The following ABCA13 variants were observed in gnomAD, a reference collection of about 807,000 sequenced individuals.
The protein encoded by ABCA13 is ATP binding cassette subfamily A member 13.
In ABCA13, 476 loss-of-function variants were observed where a neutral mutation model predicts 478.7. The ratio of observed to expected loss-of-function variants is 0.99; its 90% CI spans 0.92 to 1.07. The LOEUF is 1.07. Ranked by LOEUF, ABCA13 falls within the 50% of genes least tolerant of loss-of-function variation. ABCA13 has a pLI of 0.00. For synonymous variants in ABCA13, 2,252 were observed against 2,158.9 expected (o/e 1.04, Z -1.20); for missense variants, 6,060 against 5,910.6 (o/e 1.03, Z -0.83).
At chr7:48,516,994 G>C (rs1037047948) in intron 52 of ABCA13, 113 bp downstream of exon 52, 15 of 1,171,712 alleles carry the variant, frequency 1.3e-5, no homozygotes, top group Admixed American at 2.4e-5. Flanking sequence ...AAATGCATTG[G>C]TATCCACTGT....
At position 48,279,414 on chromosome 7, in the gene ABCA13, T is replaced by G. The variant is rs770803393; in HGVS notation, c.8220T>G (p.Cys2740Trp). Reference protein sequence around the residue: ...EIGSFLKMVICLTLEALWKNL... With the variant: ...EIGSFLKMVIWLTLEALWKNL... Reference sequence around the variant, plus strand: ...GATCTTTCTTGAAAATGGTGATCTGTCTCACCTTAGAAGCTCTTTGGAAAA... The same window carrying G: ...GATCTTTCTTGAAAATGGTGATCTGGCTCACCTTAGAAGCTCTTTGGAAAA... Residue 2740 changes from cysteine to tryptophan, a missense_variant, in exon 18 of 62, where the codon TGT becomes TGG. By Grantham distance (215) the Cys-to-Trp change is radical. Around this residue, in one of 3 missense-constraint regions of ABCA13, gnomAD observed 4,423 missense variants for 4,309.1 expected, o/e 1.03. Transcript: ENST00000435803. 4 of 1,602,728 alleles carry G rather than the reference T, an allele frequency of 2.5e-6. No individual in the cohort carries two copies. The highest frequency in any genetic ancestry group is 3.4e-6 in the Non-Finnish European group (4 of 1,173,500).
intron 23 of ABCA13, among the ~76,000 whole-genome samples, chr7:48,305,834 C>A (rs1800824222): frequency 6.6e-6 from 1 of 152,204 alleles, no homozygotes; most frequent in African/African-American, 2.4e-5. Flanking sequence ...AGAGGCATCG[C>A]CCTGGATCCT....
At chr7:48,499,810 G>C (rs1830585634) in intron 48 of ABCA13, among the ~76,000 whole-genome samples, 1 of 152,130 alleles carries the variant, frequency 6.6e-6, no homozygotes, top group African/African-American at 2.4e-5. Flanking sequence ...CTTTTACTTA[G>C]GAGCCTTGGA....
intron 3 of ABCA13, among the ~76,000 whole-genome samples, chr7:48,209,510 T>C (rs1265447389): frequency 6.6e-6 from 1 of 152,144 alleles, no homozygotes; most frequent in Non-Finnish European, 1.5e-5. Flanking sequence ...TTTTCTTTGA[T>C]GGGGGAATGT....
chr7:48,279,289 A>G lies in ABCA13; in HGVS notation c.8095A>G (p.Ile2699Val), dbSNP rs770463049. 1 of 1,588,688 alleles carries G rather than the reference A, an allele frequency of 6.3e-7. No individual in the cohort carries two copies. The highest frequency in any genetic ancestry group is 1.8e-5 in the Admixed American group (1 of 56,224). Residue 2699 changes from isoleucine (I) to valine (V), a missense_variant, in exon 18 of 62, where the codon ATT becomes GTT. Ile to Val is a conservative substitution (Grantham distance 29, BLOSUM62 3). Transcript: ENST00000435803. Reference sequence around the variant, plus strand: ...AATGGACTTCTTATACCCTAATCCAATTTCCACTCATAGTGGCCCTCAAGA... The same window carrying G: ...AATGGACTTCTTATACCCTAATCCAGTTTCCACTCATAGTGGCCCTCAAGA... ...NQMDFLYPNP[I>V]STHSGPQDIK...
intron 17 of ABCA13, 60 bp downstream of exon 17, chr7:48,276,625 T>G: frequency 7.3e-7 from 1 of 1,378,310 alleles, no homozygotes; most frequent in African/African-American, 1.4e-5. Flanking sequence ...AACTACTTTA[T>G]TTTCTGGAGT....
chr7:48,535,976 C>T (rs910261186), intron 55 of ABCA13, among the ~76,000 whole-genome samples: 10 of 152,260 alleles, frequency 6.6e-5, no homozygotes, highest in African/African-American at 9.6e-5. Context: ...CATGGTTTTC[C>T]GATGTCTCAT....
chr7:48,445,981 G>A lies in ABCA13; in HGVS notation c.12566-9056G>A, dbSNP rs866202496. Among the ~76,000 whole-genome samples, 3 of 152,210 alleles carry A rather than the reference G, an allele frequency of 2.0e-5. 1 individual carries two copies. Among genetic ancestry groups the A allele is most frequent in the Middle Eastern group, 6.8e-3 (2 of 294 alleles). ...CACTGCACATATCTGGCCTTTGCGG[G>A]CTCTGTCCCACCTACAGAGTGAACA... On this transcript the variant is annotated intron_variant, in intron 42 of 61. Transcript: ENST00000435803.
At chr7:48,249,383 G>T (rs754901957) in intron 15 of ABCA13, 32 bp downstream of exon 15, 1 of 1,608,180 alleles carries the variant, frequency 6.2e-7, no homozygotes, top group Non-Finnish European at 8.5e-7. Context: ...CAGGAATGGG[G>T]GATGCTTTCC....
intron 47 of ABCA13, among the ~76,000 whole-genome samples, chr7:48,485,067 A>T (rs922892412): frequency 1.3e-5 from 2 of 152,200 alleles, no homozygotes; most frequent in Admixed American, 1.3e-4. Flanking sequence ...TGTGACCTTT[A>T]TGAGTTCTAT....
At chr7:48,594,893 C>T (rs1790125743) in intron 58 of ABCA13, 80 bp downstream of exon 58, 2 of 1,081,286 alleles carry the variant, frequency 1.8e-6, no homozygotes, top group Non-Finnish European at 2.8e-6. Flanking sequence ...GGTACCTGCA[C>T]AGTGTTACAC....
chr7:48,481,631 G>A (rs980004207), intron 46 of ABCA13, among the ~76,000 whole-genome samples: 6 of 59,856 alleles, frequency 1.0e-4, no homozygotes, highest in Admixed American at 3.1e-4. Flanking sequence ...TCAGCCTCCC[G>A]AGTAGCTGGG....
rs1796474467 is a variant in ABCA13 at position 48,187,167 on chromosome 7, T to C, written c.70-5792T>C. 2.6e-5 allele frequency among the ~76,000 whole-genome samples: 4 copies of C among 150,982 alleles called. 1 individual carries two copies. The South Asian group carries it at 8.3e-4, about 31-fold the overall frequency. On this transcript the variant is annotated intron_variant, in intron 1 of 61. Transcript: ENST00000435803. ...TCATTTTTTTTAATCCTACTTTTTT[T>C]CTCTTAGAACTTTGTAAATTGATGC... is the stretch of plus-strand genomic sequence containing the variant.
intron 29 of ABCA13, among the ~76,000 whole-genome samples, chr7:48,346,075 G>A (rs1241953049): frequency 6.6e-6 from 1 of 152,128 alleles, no homozygotes; most frequent in East Asian, 1.9e-4. Context: ...ATACAGCTAG[G>A]TGTGCAGTAG....
At chr7:48,491,373 G>T (rs1399436456) in intron 48 of ABCA13, among the ~76,000 whole-genome samples, 3 of 152,162 alleles carry the variant, frequency 2.0e-5, no homozygotes, top group Admixed American at 6.6e-5. Context: ...GAGGACAAAG[G>T]TTCTGTAGCC....
chr7:48,463,376 T>C lies in ABCA13; in HGVS notation c.12816-3580T>C, dbSNP rs540784549. Reference sequence around the variant, plus strand: ...TTTTTTTCAGGGAGGTGGGGACCTTTGCTTCCTATACTCTCTCTCATTTAG... The same window carrying C: ...TTTTTTTCAGGGAGGTGGGGACCTTCGCTTCCTATACTCTCTCTCATTTAG... On this transcript the variant is annotated intron_variant, in intron 43 of 61. Transcript: ENST00000435803. 1.3e-3 allele frequency among the ~76,000 whole-genome samples: 191 copies of C among 152,326 alleles called. 4 individuals are homozygous for C. The highest frequency in any genetic ancestry group is 4.6e-3 in the African/African-American group (191 of 41,570).
intron 3 of ABCA13, among the ~76,000 whole-genome samples, chr7:48,200,808 A>G (rs80194445): frequency 1.5e-3 from 228 of 152,316 alleles, no homozygotes; most frequent in Non-Finnish European, 2.6e-3. Context: ...TTGAAGTTCA[A>G]GCCCATAAAT....
intron 39 of ABCA13, among the ~76,000 whole-genome samples, chr7:48,405,161 GGGGA>G (rs1818096756): frequency 1.3e-5 from 2 of 152,232 alleles, no homozygotes; most frequent in Non-Finnish European, 2.9e-5. Context: ...CATGGAAGTA[GGGGA>G]CCCCTTGGAG....
At chr7:48,387,604 G>C (rs547147049) in intron 35 of ABCA13, among the ~76,000 whole-genome samples, 7 of 152,216 alleles carry the variant, frequency 4.6e-5, no homozygotes, top group African/African-American at 1.4e-4. Flanking sequence ...GCTGAGAGGG[G>C]GTTTTAGCAC....
Sources: allele counts gnomAD v4.1 joint callset (sites outside exome capture counted in the v4.1 genomes callset), GRCh38; gene constraint gnomAD v4.1.1; regional missense constraint gnomAD v4.1.1; transcripts MANE v1.5; gene names NCBI Gene and HGNC (gene_info 2026-07-23, HGNC 2026-07-21).